Variants in TRIP12 observed in about 807,000 individuals in gnomAD.
TRIP12 encodes E3 ubiquitin-protein ligase TRIP12.
Under a neutral mutation model 244.2 loss-of-function variants are expected in TRIP12, and 25 were observed. That is an observed-to-expected ratio of 0.10 (90% CI 0.07 to 0.14). The LOEUF (loss-of-function observed/expected upper bound fraction) is 0.14. TRIP12 is among the 10% of genes least tolerant of loss of function. TRIP12 has a pLI of 1.00. For synonymous variants in TRIP12, 905 were observed against 873.1 expected (o/e 1.04, Z -0.64); for missense variants, 1,677 against 2,486.4 (o/e 0.67, Z 6.92).
chr2:229,792,277 A>C, intron 27 of TRIP12, 51 bp from the exon 28 acceptor site: 1 of 1,570,970 alleles, frequency 6.4e-7, no homozygotes. Flanking sequence ...GGTGTAAAAA[A>C]AAAAAAATCC....
chr2:229,918,867 G>GT (rs1269840300), intron 1 of TRIP12, among the ~76,000 whole-genome samples: 3 of 151,770 alleles, frequency 2.0e-5, no homozygotes, highest in East Asian at 3.9e-4. Flanking sequence ...TTAGCATGTT[G>GT]TTTTTTTTCA....
intron 1 of TRIP12, among the ~76,000 whole-genome samples, chr2:229,908,130 C>T (rs1356599575): frequency 6.6e-6 from 1 of 152,126 alleles, no homozygotes. Context: ...GTACCACAGG[C>T]CCAGCCCTGA....
At chr2:229,886,918 A>G (rs764155469) in intron 1 of TRIP12, among the ~76,000 whole-genome samples, 2 of 152,208 alleles carry the variant, frequency 1.3e-5, no homozygotes, top group Non-Finnish European at 2.9e-5. Flanking sequence ...TTTAATTTTC[A>G]CACCAACTTT....
At chr2:229,840,372 A>G (rs888515539) in intron 5 of TRIP12, among the ~76,000 whole-genome samples, 3 of 152,198 alleles carry the variant, frequency 2.0e-5, no homozygotes, top group Admixed American at 6.5e-5. Flanking sequence ...TTATGTTAGA[A>G]TATGTCTTTA....
chr2:229,921,070 C>G (rs919729200), intron 1 of TRIP12, among the ~76,000 whole-genome samples: 3 of 146,308 alleles, frequency 2.1e-5, no homozygotes, highest in African/African-American at 5.0e-5. Context: ...AATTTCCATT[C>G]TGATCTATTT....
intron 2 of TRIP12, among the ~76,000 whole-genome samples, chr2:229,861,189 C>T (rs978261935): frequency 5.3e-5 from 8 of 152,036 alleles, no homozygotes; most frequent in African/African-American, 1.9e-4. Flanking sequence ...CACAAAAGTT[C>T]CAAAAAACAT....
At chr2:229,880,514 G>A (rs565023603) in intron 1 of TRIP12, among the ~76,000 whole-genome samples, 1 of 152,294 alleles carries the variant, frequency 6.6e-6, no homozygotes, top group Admixed American at 6.5e-5. Flanking sequence ...GTCTTGTGAC[G>A]GAATAGGTGT....
chr2:229,918,736 T>C (rs1368339656), intron 1 of TRIP12, among the ~76,000 whole-genome samples: 1 of 152,220 alleles, frequency 6.6e-6, no homozygotes, highest in African/African-American at 2.4e-5. Context: ...TATAACTCTG[T>C]ACCTTCAACC....
In TRIP12 at chr2:229,766,343, G is replaced by C. The variant is rs2031727077; in HGVS notation, c.*1211C>G. On this transcript the variant is annotated 3_prime_UTR_variant, in exon 42 of 42. Coordinates refer to ENST00000675903, the MANE Select transcript of TRIP12 (RefSeq NM_001348323.3). Reference sequence around the variant, plus strand: ...TGCATTGAAATACATCTATACAATTGAAAGTTATGCATACAGCACAAAACT... The same window carrying C: ...TGCATTGAAATACATCTATACAATTCAAAGTTATGCATACAGCACAAAACT... 1 of 152,146 alleles carries C rather than the reference G, an allele frequency of 6.6e-6. No individual in the cohort carries two copies. Among genetic ancestry groups the C allele is most frequent in the Admixed American group, 6.5e-5 (1 of 15,268 alleles). 9.4% of individuals were successfully genotyped at this position (152,146 alleles called of 1,614,324 possible).
intron 1 of TRIP12, among the ~76,000 whole-genome samples, chr2:229,908,810 G>A (rs570039035): frequency 4.6e-5 from 7 of 152,024 alleles, no homozygotes; most frequent in African/African-American, 7.2e-5. Context: ...GAGGCTATGC[G>A]GCCAGACATG....
At chr2:229,839,938 T>C (rs775145221) in intron 5 of TRIP12, among the ~76,000 whole-genome samples, 3 of 152,332 alleles carry the variant, frequency 2.0e-5, no homozygotes, top group Non-Finnish European at 2.9e-5. Flanking sequence ...GAATTGGAGA[T>C]GGGAGAGAAC....
At chr2:229,802,199 C>A in intron 21 of TRIP12, 53 bp downstream of exon 21, 1 of 1,441,290 alleles carries the variant, frequency 6.9e-7, no homozygotes, top group South Asian at 1.4e-5. Context: ...TCTTAGGTAC[C>A]AAAGCAGCGC....
rs191504888 is a variant in TRIP12, at chr2:229,769,157, A to G, written c.5903+74T>C. 879 of 1,240,798 alleles carry G rather than the reference A, an allele frequency of 7.1e-4. 1 individual carries two copies. Among genetic ancestry groups the G allele is most frequent in the Non-Finnish European group, 9.2e-4 (806 of 877,546 alleles). The allele number at this position is 1,240,798 out of a possible 1,614,324, so 76.9% of individuals were successfully genotyped here. On this transcript the variant is annotated intron_variant, in intron 40 of 41. Coordinates refer to ENST00000675903, the MANE Select transcript of TRIP12 (RefSeq NM_001348323.3). Reference sequence around the variant, plus strand: ...ACTTTTGTTGTTTACACATGTGCGCATGTGTGTGTACACACACACCCCTCT... The same window carrying G: ...ACTTTTGTTGTTTACACATGTGCGCGTGTGTGTGTACACACACACCCCTCT...
chr2:229,884,087 A>G (rs1001257846), intron 1 of TRIP12, among the ~76,000 whole-genome samples: 2 of 151,770 alleles, frequency 1.3e-5, no homozygotes, highest in Non-Finnish European at 2.9e-5. Context: ...CTCCAGCCCA[A>G]CTAATAGTGA....
At chr2:229,855,348 T>A (rs1170795171) in intron 4 of TRIP12, among the ~76,000 whole-genome samples, 3 of 152,140 alleles carry the variant, frequency 2.0e-5, no homozygotes, top group African/African-American at 7.2e-5. Context: ...ATGTAAGGTA[T>A]TCAGAACTGT....
At chr2:229,861,894 CAAAA>C (rs1303761675) in intron 2 of TRIP12, among the ~76,000 whole-genome samples, 1 of 151,598 alleles carries the variant, frequency 6.6e-6, no homozygotes, top group East Asian at 1.9e-4. Flanking sequence ...AAAAAAATAA[CAAAA>C]AAACAAAACT....
At position 229,822,906 on chromosome 2, in the gene TRIP12, C is replaced by T. The variant is rs114713607; in HGVS notation, c.1451-4394G>A. ...CAAAAAACTATTCAGAACTGAAAAA[C>T]GTATCTGAAATTAAGAACTCATTGA... On this transcript the variant is annotated intron_variant, in intron 8 of 41. Coordinates refer to ENST00000675903, the MANE Select transcript of TRIP12 (RefSeq NM_001348323.3). Among the ~76,000 whole-genome samples the T allele has an allele frequency of 5.4e-3, 827 of 152,134 alleles. 7 individuals carry two copies. The highest frequency in any genetic ancestry group is 0.018 in the African/African-American group (754 of 41,504).
At chr2:229,897,205 T>G (rs1226403621) in intron 1 of TRIP12, among the ~76,000 whole-genome samples, 1 of 152,126 alleles carries the variant, frequency 6.6e-6, no homozygotes, top group Admixed American at 6.5e-5. Context: ...TGAAAAAGGG[T>G]TTAATCCAGT....
At chr2:229,863,821 T>A (rs1477658175) in intron 2 of TRIP12, among the ~76,000 whole-genome samples, 2 of 152,224 alleles carry the variant, frequency 1.3e-5, no homozygotes, top group Admixed American at 1.3e-4. Context: ...CTCTCTAATT[T>A]AGCAAGCCTT....
Sources: allele counts gnomAD v4.1 joint callset (sites outside exome capture counted in the v4.1 genomes callset), GRCh38; gene constraint gnomAD v4.1.1; transcripts MANE v1.5; gene names NCBI Gene and HGNC (gene_info 2026-07-23, HGNC 2026-07-21).